Variants in PI4K2B observed in about 807,000 individuals in gnomAD.
PI4K2B encodes phosphatidylinositol 4-kinase type 2 beta.
Under a neutral mutation model 56.6 loss-of-function variants are expected in PI4K2B, and 46 were observed. The ratio of observed to expected loss-of-function variants is 0.81; its 90% CI spans 0.64 to 1.04. The LOEUF (loss-of-function observed/expected upper bound fraction) is 1.04. Ranked by LOEUF, PI4K2B falls within the 50% of genes least tolerant of loss-of-function variation. The pLI is 0.00. For synonymous variants in PI4K2B, 211 were observed against 223.8 expected (o/e 0.94, Z 0.51); for missense variants, 556 against 607.7 (o/e 0.91, Z 0.89).
At chr4:25,264,661 A>T (rs952339842) in intron 7 of PI4K2B, among the ~76,000 whole-genome samples, 4 of 152,066 alleles carry the variant, frequency 2.6e-5, no homozygotes, top group Non-Finnish European at 4.4e-5. Context: ...ACTTGAGCTC[A>T]GGAGTCCAAG....
intron 6 of PI4K2B, among the ~76,000 whole-genome samples, chr4:25,262,252 G>T (rs1716507173): frequency 6.6e-6 from 1 of 152,178 alleles, no homozygotes; most frequent in African/African-American, 2.4e-5. Context: ...GAGGTGGGAG[G>T]ATTGCTTGGG....
chr4:25,254,118 A>C, intron 2 of PI4K2B, among the ~76,000 whole-genome samples: 1 of 152,180 alleles, frequency 6.6e-6, no homozygotes, highest in East Asian at 1.9e-4. Context: ...AGGGTACGAG[A>C]ATCTGACAGC....
At chr4:25,259,326 G>A (rs1427538201) in intron 5 of PI4K2B, 136 bp downstream of exon 5, 1 of 622,212 alleles carries the variant, frequency 1.6e-6, no homozygotes, top group East Asian at 2.7e-5. Flanking sequence ...GCAAACAGAT[G>A]TAGTATTGAC....
chr4:25,248,239 A>G (rs1485924620), intron 1 of PI4K2B, among the ~76,000 whole-genome samples: 1 of 152,166 alleles, frequency 6.6e-6, no homozygotes, highest in African/African-American at 2.4e-5. Flanking sequence ...TTAGTTCTCC[A>G]TTTTTAGTTT....
chr4:25,275,886 A>T (rs1177022626), intron 9 of PI4K2B, among the ~76,000 whole-genome samples: 1 of 152,122 alleles, frequency 6.6e-6, no homozygotes, highest in Non-Finnish European at 1.5e-5. Context: ...GGAGGATTGC[A>T]TGAGCCAGGA....
chr4:25,276,753 T>C (rs986844693), intron 9 of PI4K2B: 1 of 985,284 alleles, frequency 1.0e-6, no homozygotes, highest in Admixed American at 6.2e-5. Flanking sequence ...CAGGATATTC[T>C]AGAATATTTT....
At position 25,277,118 on chromosome 4, in the gene PI4K2B, G is replaced by T. The variant is rs774318449; in HGVS notation, c.1377G>T (p.Arg459=). 6 of 1,614,018 alleles carry T rather than the reference G, an allele frequency of 3.7e-6. No individual in the cohort carries two copies. The highest frequency in any genetic ancestry group is 5.1e-6 in the Non-Finnish European group (6 of 1,179,926). ...GCAGTCAAGGTGGAAGTCAGGGTCG[G>T]ATTGTCCACCTGAGCAATTCCTTTA... is the stretch of plus-strand genomic sequence containing the variant. ...VERSQGGSQG[R]IVHLSNSFTQ... is the part of the protein sequence containing the mutation. Residue 459 remains arginine (R), a synonymous_variant, in exon 10 of 10, where the codon CGG becomes CGT. Coordinates refer to ENST00000264864, the MANE Select transcript of PI4K2B (RefSeq NM_018323.4).
intron 6 of PI4K2B, among the ~76,000 whole-genome samples, chr4:25,261,776 G>A (rs1003916303): frequency 4.6e-5 from 7 of 152,158 alleles, no homozygotes; most frequent in Admixed American, 1.3e-4. Context: ...AGTTTCTAGT[G>A]ACAGAAAACA....
intron 1 of PI4K2B, among the ~76,000 whole-genome samples, chr4:25,249,240 C>T (rs1292053502): frequency 1.3e-5 from 2 of 152,306 alleles, no homozygotes; most frequent in East Asian, 3.9e-4. Context: ...ACAATCTGAT[C>T]TCTCTTTCTT....
chr4:25,247,514 A>G (rs1329773346), intron 1 of PI4K2B, among the ~76,000 whole-genome samples: 1 of 152,216 alleles, frequency 6.6e-6, no homozygotes, highest in African/African-American at 2.4e-5. Context: ...GAAACAGTCA[A>G]ACAAACGGTC....
chr4:25,243,820 G>T (rs1270258138), intron 1 of PI4K2B, among the ~76,000 whole-genome samples: 1 of 152,116 alleles, frequency 6.6e-6, no homozygotes, highest in African/African-American at 2.4e-5. Context: ...CTAGAACACA[G>T]GTCGACAGAT....
intron 9 of PI4K2B, among the ~76,000 whole-genome samples, chr4:25,275,615 G>A (rs1717064695): frequency 2.0e-5 from 3 of 151,962 alleles, no homozygotes; most frequent in Non-Finnish European, 2.9e-5. Context: ...CACTGTGATT[G>A]CACTCTGCAC....
intron 7 of PI4K2B, among the ~76,000 whole-genome samples, chr4:25,265,624 T>C (rs1050741859): frequency 1.3e-5 from 2 of 152,234 alleles, no homozygotes; most frequent in Non-Finnish European, 2.9e-5. Flanking sequence ...GTATTTTGTT[T>C]GATCTTAAAA....
chr4:25,251,382 A>G (rs920650256), intron 1 of PI4K2B, among the ~76,000 whole-genome samples: 6 of 152,194 alleles, frequency 3.9e-5, no homozygotes, highest in Non-Finnish European at 8.8e-5. Flanking sequence ...GCCCTGGTGC[A>G]GGCATGGAGT....
At chr4:25,243,769 C>A (rs1715640723) in intron 1 of PI4K2B, among the ~76,000 whole-genome samples, 1 of 152,174 alleles carries the variant, frequency 6.6e-6, no homozygotes, top group African/African-American at 2.4e-5. Context: ...TGGTGGACAT[C>A]ATTGAATAAT....
intron 6 of PI4K2B, among the ~76,000 whole-genome samples, chr4:25,261,494 TG>T (rs1333288360): frequency 6.6e-6 from 1 of 152,304 alleles, no homozygotes; most frequent in African/African-American, 2.4e-5. Flanking sequence ...TTTGTACATT[TG>T]GGAAAGTTTT....
At chr4:25,252,107 G>A (rs993731832) in intron 1 of PI4K2B, among the ~76,000 whole-genome samples, 10 of 152,182 alleles carry the variant, frequency 6.6e-5, no homozygotes, top group African/African-American at 2.2e-4. Context: ...GATTACAGGC[G>A]TGAGCCACTG....
intron 1 of PI4K2B, among the ~76,000 whole-genome samples, chr4:25,247,134 G>A (rs1255866315): frequency 2.0e-5 from 3 of 152,376 alleles, no homozygotes; most frequent in South Asian, 2.1e-4. Context: ...GAGGTGTGGT[G>A]AGTGAGCAAG....
chr4:25,253,027 C>A (rs1029005353), intron 2 of PI4K2B, among the ~76,000 whole-genome samples: 1 of 152,162 alleles, frequency 6.6e-6, no homozygotes, highest in African/African-American at 2.4e-5. Flanking sequence ...TATTGAATAC[C>A]CACATTCAGC....
Sources: gnomAD v4.1 joint callset for allele counts (sites outside exome capture counted in the v4.1 genomes callset) on GRCh38, gnomAD v4.1.1 for gene constraint, MANE v1.5 for transcripts, NCBI Gene and HGNC (gene_info 2026-07-23, HGNC 2026-07-21) for gene names.